The following KIAA1549 variants were observed in gnomAD, a reference collection of about 807,000 sequenced individuals.
The protein encoded by KIAA1549 is UPF0606 protein KIAA1549.
KIAA1549 carries 70 observed loss-of-function variants against 156.4 expected under a neutral mutation model. The ratio of observed to expected loss-of-function variants is 0.45; its 90% CI spans 0.37 to 0.55. KIAA1549 has a LOEUF of 0.55. Ranked by LOEUF, KIAA1549 falls within the 20% of genes least tolerant of loss-of-function variation. The pLI, the probability that KIAA1549 is intolerant of heterozygous loss-of-function variation, is 0.00. For missense variants in KIAA1549, 2,428 were observed against 2,540.9 expected (o/e 0.96, Z 0.96); for synonymous variants, 1,103 against 1,066.4 (o/e 1.03, Z -0.67).
At chr7:138,943,665 T>A (rs61555354) in intron 1 of KIAA1549, among the ~76,000 whole-genome samples, 7 of 152,128 alleles carry the variant, frequency 4.6e-5, no homozygotes, top group East Asian at 1.9e-4. Context: ...CTGGCTAACA[T>A]GGTGAAACCC....
chr7:138,926,614 T>C (rs1035675996), intron 1 of KIAA1549, among the ~76,000 whole-genome samples: 3 of 152,122 alleles, frequency 2.0e-5, no homozygotes, highest in African/African-American at 7.2e-5. Flanking sequence ...AGTTCTCAGG[T>C]TGTCCTAGGC....
At position 138,836,118 on chromosome 7, in the gene KIAA1549, G is replaced by A; in HGVS notation, c.*1788C>T. ...GACACAGATACACAGGTTTTGATCA[G>A]TCAGAGCCCCAAATTCTATAGCCCC... is the stretch of plus-strand genomic sequence containing the variant. On this transcript the variant is annotated 3_prime_UTR_variant, in exon 20 of 20. Transcript: ENST00000422774. The A allele has an allele frequency of 4.7e-6, 1 of 213,468 alleles. No individual in the cohort carries two copies. Among genetic ancestry groups the A allele is most frequent in the Non-Finnish European group, 9.5e-6 (1 of 105,616 alleles). The allele number at this position is 213,468 out of a possible 1,614,324, so 13.2% of individuals were successfully genotyped here.
rs764137081 is a variant in KIAA1549 at position 138,917,980 on chromosome 7, G to A, written c.1646C>T (p.Thr549Met). ...GSLSVAETQV[T>M]PSSVTTAFFS... ...AAATGCAGTGGTCACGCTGGATGGCGTCACTTGGGTTTCAGCAACAGACAA... is the reference window on the plus strand; with the variant it reads ...AAATGCAGTGGTCACGCTGGATGGCATCACTTGGGTTTCAGCAACAGACAA... Residue 549 changes from threonine (T) to methionine (M), a missense_variant, in exon 2 of 20, where the codon ACG (threonine) becomes ATG (methionine). Physicochemically the swap from Thr to Met is moderately conservative, Grantham distance 81. Coordinates refer to ENST00000422774, the MANE Select transcript of KIAA1549 (RefSeq NM_001164665.2). The A allele has an allele frequency of 1.1e-5, 17 of 1,594,346 alleles. No homozygotes were observed. Among genetic ancestry groups the A allele is most frequent in the South Asian group, 4.5e-5 (4 of 88,176 alleles).
chr7:138,931,629 G>A (rs1812874191), intron 1 of KIAA1549, among the ~76,000 whole-genome samples: 1 of 151,898 alleles, frequency 6.6e-6, no homozygotes, highest in South Asian at 2.1e-4. Context: ...GCAGGTGCCT[G>A]TAATCCCATC....
At position 138,831,657 on chromosome 7, in the gene KIAA1549, C is replaced by T. The variant is rs562819746; in HGVS notation, c.*6249G>A. Reference sequence around the variant, plus strand: ...AGTTTAAGTTGCAGTATTGATGCCACAGTTGGCCTCAATTTGCTCTGCACA... The same window carrying T: ...AGTTTAAGTTGCAGTATTGATGCCATAGTTGGCCTCAATTTGCTCTGCACA... On this transcript the variant is annotated 3_prime_UTR_variant, in exon 20 of 20. Transcript: ENST00000422774. The T allele has an allele frequency of 4.3e-6, 1 of 230,050 alleles. No homozygotes were observed. Among genetic ancestry groups the T allele is most frequent in the African/African-American group, 2.2e-5 (1 of 45,272 alleles). The allele number at this position is 230,050 out of a possible 1,614,324, so 14.3% of individuals were successfully genotyped here.
At chr7:138,980,455 A>C (rs1458471680) in intron 1 of KIAA1549, among the ~76,000 whole-genome samples, 2 of 152,236 alleles carry the variant, frequency 1.3e-5, no homozygotes, top group African/African-American at 2.4e-5. Flanking sequence ...CCAGACACTT[A>C]AGAATCAAAA....
chr7:138,965,575 A>G (rs1267022644), intron 1 of KIAA1549, among the ~76,000 whole-genome samples: 2 of 152,242 alleles, frequency 1.3e-5, no homozygotes, highest in East Asian at 3.8e-4. Context: ...GAACATCCAC[A>G]GCGTCGAATA....
chr7:138,863,247 G>A (rs376360520), intron 15 of KIAA1549, among the ~76,000 whole-genome samples: 96 of 151,366 alleles, frequency 6.3e-4, no homozygotes, highest in African/African-American at 2.2e-3. Flanking sequence ...AAGGGTGGGC[G>A]GCTTCTATCT....
intron 19 of KIAA1549, among the ~76,000 whole-genome samples, chr7:138,839,778 CTTTTTTTTTTTTTT>C (rs763327649): frequency 4.9e-5 from 3 of 61,328 alleles, no homozygotes; most frequent in Admixed American, 2.3e-4. Flanking sequence ...GGGATTATGT[CTTTTTTTTTTTTTT>C]TTTTTTTTTT....
At chr7:138,878,242 C>T (rs1811141555) in intron 12 of KIAA1549, among the ~76,000 whole-genome samples, 1 of 151,954 alleles carries the variant, frequency 6.6e-6, no homozygotes, top group South Asian at 2.1e-4. Context: ...GAGCAACCCG[C>T]GAGGCCACAA....
At chr7:138,893,373 T>C (rs6949124) in intron 10 of KIAA1549, among the ~76,000 whole-genome samples, 2,486 of 149,308 alleles carry the variant, frequency 0.017, 60 homozygotes, top group African/African-American at 0.058. Context: ...TTCTCTAAGA[T>C]AGGGAGTGGG....
Position 138,871,269 on chromosome 7 carries a change from C to T in KIAA1549, c.4439G>A (p.Arg1480Gln), listed in dbSNP as rs375098757. The T allele has an allele frequency of 1.2e-4, 197 of 1,611,560 alleles. No individual in the cohort carries two copies. Among genetic ancestry groups the T allele is most frequent in the Middle Eastern group, 3.3e-4 (2 of 6,072 alleles). ...DRISRPPEASRRVPSKIQLIA... is the reference protein window; with the variant it reads ...DRISRPPEASQRVPSKIQLIA... ...AAGCTGGATCTTACTGGGGACCCGC[C>T]GGCTAGCCTCCGGGGGGCGGGAGAT... Residue 1480 changes from arginine (R) to glutamine (Q), a missense_variant, in exon 13 of 20, where the codon CGG becomes CAG. By Grantham distance (43) the Arg-to-Gln change is conservative. Coordinates refer to ENST00000422774, the MANE Select transcript of KIAA1549 (RefSeq NM_001164665.2).
chr7:138,962,357 T>A (rs957129294), intron 1 of KIAA1549, among the ~76,000 whole-genome samples: 4 of 152,192 alleles, frequency 2.6e-5, no homozygotes, highest in Non-Finnish European at 4.4e-5. Context: ...ACGACCACCA[T>A]CAATGTCAAT....
intron 19 of KIAA1549, among the ~76,000 whole-genome samples, chr7:138,839,778 CTTTTTTTTTTTTT>C (rs763327649): frequency 2.1e-4 from 13 of 61,360 alleles, no homozygotes; most frequent in Admixed American, 2.1e-3. Flanking sequence ...GGGATTATGT[CTTTTTTTTTTTTT>C]TTTTTTTTTT....
chr7:138,929,853 G>A (rs1173006518), intron 1 of KIAA1549, among the ~76,000 whole-genome samples: 1 of 152,014 alleles, frequency 6.6e-6, no homozygotes, highest in Non-Finnish European at 1.5e-5. Flanking sequence ...ACTATGCCCA[G>A]CTATTTATTT....
At chr7:138,854,927 A>C (rs1216209426) in intron 16 of KIAA1549, among the ~76,000 whole-genome samples, 1 of 152,200 alleles carries the variant, frequency 6.6e-6, no homozygotes, top group Non-Finnish European at 1.5e-5. Context: ...GAAACCAAAT[A>C]AGGAAAGGAG....
At position 138,909,204 on chromosome 7, in the gene KIAA1549, T is replaced by C. The variant is rs1232252094; in HGVS notation, c.3146-83A>G. ...AAGGAATCAAGAGAGAGAAACATCG[T>C]ATCTAAATCAACCAATTCATCCATA... On this transcript the variant is annotated intron_variant, in intron 4 of 19. Transcript: ENST00000422774. 3 of 1,400,804 alleles carry C rather than the reference T, an allele frequency of 2.1e-6. No homozygotes were observed. The African/African-American group carries it at 4.3e-5, about 20-fold the overall frequency. The allele number at this position is 1,400,804 out of a possible 1,614,324, so 86.8% of individuals were successfully genotyped here. A position where few individuals can be genotyped will look rare whatever the true frequency, so the allele number is the denominator to read the frequency against.
At chr7:138,972,638 C>A (rs963881696) in intron 1 of KIAA1549, among the ~76,000 whole-genome samples, 7 of 151,930 alleles carry the variant, frequency 4.6e-5, no homozygotes, top group Admixed American at 4.6e-4. Flanking sequence ...CCACAGATAC[C>A]CCCATTACCT....
At chr7:138,958,728 C>CG (rs1813747124) in intron 1 of KIAA1549, among the ~76,000 whole-genome samples, 1 of 152,040 alleles carries the variant, frequency 6.6e-6, no homozygotes, top group Admixed American at 6.6e-5. Flanking sequence ...CTAGCAACCC[C>CG]GAACAGTAGA....
Sources: gnomAD v4.1 joint callset for allele counts (sites outside exome capture counted in the v4.1 genomes callset) on GRCh38, gnomAD v4.1.1 for gene constraint, MANE v1.5 for transcripts, NCBI Gene and HGNC (gene_info 2026-07-23, HGNC 2026-07-21) for gene names.